Variants in C11orf65 observed in about 807,000 individuals in gnomAD.
C11orf65 encodes the protein protein MFI.
Under a neutral mutation model 35.3 loss-of-function variants are expected in C11orf65, and 38 were observed. That is an observed-to-expected ratio of 1.08 (90% confidence interval 0.83 to 1.41). The LOEUF (loss-of-function observed/expected upper bound fraction) is 1.41. C11orf65 is among the 40% of genes most tolerant of loss of function. The pLI is 0.00. For missense variants in C11orf65, 370 were observed against 367.1 expected, an observed-to-expected ratio of 1.01 and a Z score of -0.06; for synonymous variants, 105 against 114.4, an observed-to-expected ratio of 0.92 and a Z score of 0.53.
At chr11:108,335,147 T>A in intron 3 of C11orf65, 1 of 1,613,386 alleles carries the variant, frequency 6.2e-7, no homozygotes, top group Non-Finnish European at 8.5e-7. Flanking sequence ...CTTAGAGTTT[T>A]AGTGATGAAA....
chr11:108,358,204 GATGAAATGA>G (rs1380882811), intron 2 of C11orf65, among the ~76,000 whole-genome samples: 12 of 151,648 alleles, frequency 7.9e-5, no homozygotes, highest in Admixed American at 6.6e-4. Context: ...AGCGATGGAA[GATGAAATGA>G]ATGAAATGAA....
At chr11:108,355,884 G>C (rs1179774732) in intron 2 of C11orf65, 1 of 152,162 alleles carries the variant, frequency 6.6e-6, no homozygotes, top group Non-Finnish European at 1.5e-5. Flanking sequence ...GGGTGGTCCT[G>C]TGTGCACCTT....
Position 108,343,351 on chromosome 11 carries a change from C to A in C11orf65, c.227-8059G>T. 2 of 1,613,878 alleles carry A rather than the reference C, an allele frequency of 1.2e-6. No homozygotes were observed. Among genetic ancestry groups the A allele is most frequent in the Non-Finnish European group, 1.7e-6 (2 of 1,179,866 alleles). The stretch of plus-strand genomic sequence containing the variant: ...CAGGCCAAATGATTTCAGTGCCTTT[C>A]AGTGCCAAAAGAAAATGATGGTGAG... On this transcript the variant is annotated intron_variant, in intron 2 of 3. Transcript: ENST00000524755.
chr11:108,345,468 C>T (rs1194139006), intron 2 of C11orf65, among the ~76,000 whole-genome samples: 1 of 152,086 alleles, frequency 6.6e-6, no homozygotes, highest in African/African-American at 2.4e-5. Context: ...TTTATTTCTG[C>T]TTAAGAGTAC....
rs56256497 is a variant in C11orf65, at chr11:108,333,973, T to A, written c.299+1247A>T. On this transcript the variant is annotated intron_variant, in intron 3 of 3. Transcript: ENST00000524755. ...GTCCCTACTATGGAAATTAAGGTAA[T>A]TTGCAATTAACTCTTGATTTTTTTT... The A allele has an allele frequency of 2.5e-6, 4 of 1,593,528 alleles. No homozygotes were observed. In the African/African-American group the frequency reaches 4.0e-5, roughly 16 times the overall value.
chr11:108,416,107 G>A (rs1301620884), intron 3 of C11orf65, among the ~76,000 whole-genome samples: 2 of 152,096 alleles, frequency 1.3e-5, no homozygotes, highest in Non-Finnish European at 2.9e-5. Context: ...AGATATGACG[G>A]ACTTCATTAA....
rs1292653012 is a variant in C11orf65 at position 108,383,000 on chromosome 11, T to A, written c.*21A>T. ...GATGGAAGGCTCAAAGGGCTATAAC[T>A]CAGAATAGAAATAAAGTACTTTATA... On this transcript the variant is annotated 3_prime_UTR_variant, in exon 9 of 9. Coordinates refer to ENST00000393084, the MANE Select transcript of C11orf65 (RefSeq NM_152587.5). 1 of 1,610,214 alleles carries A rather than the reference T, an allele frequency of 6.2e-7. No individual in the cohort carries two copies. The highest frequency in any genetic ancestry group is 8.5e-7 in the Non-Finnish European group (1 of 1,178,828).
intron 3 of C11orf65, chr11:108,331,625 GTATA>G: frequency 7.0e-7 from 1 of 1,432,040 alleles, no homozygotes; most frequent in South Asian, 1.4e-5. Context: ...ATTATATAAA[GTATA>G]TATACCATTC....
intron 2 of C11orf65, among the ~76,000 whole-genome samples, chr11:108,457,674 G>A (rs2093424385): frequency 6.6e-6 from 1 of 152,106 alleles, no homozygotes; most frequent in Non-Finnish European, 1.5e-5. Flanking sequence ...GTTGCTTTTA[G>A]TGTATGAGGG....
At chr11:108,416,124 G>A (rs2092727163) in intron 3 of C11orf65, among the ~76,000 whole-genome samples, 1 of 152,106 alleles carries the variant, frequency 6.6e-6, no homozygotes, top group Non-Finnish European at 1.5e-5. Context: ...TTAAAAAGTT[G>A]TACTCAATGA....
intron 3 of C11orf65, among the ~76,000 whole-genome samples, chr11:108,408,843 T>C (rs2092605131): frequency 6.6e-6 from 1 of 151,830 alleles, no homozygotes. Flanking sequence ...CAGTTCAATC[T>C]TGTCTCCTGA....
intron 6 of C11orf65, chr11:108,310,336 T>G (rs2136020953): frequency 6.2e-7 from 1 of 1,608,606 alleles, no homozygotes; most frequent in Non-Finnish European, 8.5e-7. Context: ...TTAGAATTTT[T>G]GGTTTTTAAA....
At chr11:108,337,946 CTGACCTAGAATATCT>C (rs1235288113) in intron 2 of C11orf65, among the ~76,000 whole-genome samples, 1 of 152,258 alleles carries the variant, frequency 6.6e-6, no homozygotes, top group Non-Finnish European at 1.5e-5. Flanking sequence ...AAGCAAATGC[CTGACCTAGAATATCT>C]TGAAAGCAGA....
intron 8 of C11orf65, among the ~76,000 whole-genome samples, chr11:108,385,321 C>T (rs866700632): frequency 7.9e-5 from 12 of 152,134 alleles, no homozygotes; most frequent in African/African-American, 2.9e-4. Context: ...ATCCATCTGC[C>T]TCAGCCTCCC....
At chr11:108,457,446 A>G (rs979329572) in intron 2 of C11orf65, among the ~76,000 whole-genome samples, 6 of 152,124 alleles carry the variant, frequency 3.9e-5, no homozygotes, top group African/African-American at 7.2e-5. Context: ...GTTCAAGATC[A>G]GCCTGGCCAA....
At chr11:108,340,074 A>C (rs2087344021) in intron 2 of C11orf65, 1 of 152,226 alleles carries the variant, frequency 6.6e-6, no homozygotes, top group African/African-American at 2.4e-5. Flanking sequence ...AAACATAATA[A>C]ACATAATTAT....
At chr11:108,309,345 A>G (rs1451281774) in intron 6 of C11orf65, among the ~76,000 whole-genome samples, 2 of 152,194 alleles carry the variant, frequency 1.3e-5, no homozygotes, top group Non-Finnish European at 2.9e-5. Context: ...AATTAACTTT[A>G]GTTGAGTGCT....
chr11:108,406,586 T>TA (rs1180946690), intron 5 of C11orf65, among the ~76,000 whole-genome samples, 177 bp downstream of exon 5: 3 of 152,188 alleles, frequency 2.0e-5, no homozygotes, highest in African/African-American at 4.8e-5. Context: ...AAGAAAAAGA[T>TA]AAATTGCTGT....
chr11:108,365,598 A>G (rs1253149900), intron 2 of C11orf65: 3 of 1,442,306 alleles, frequency 2.1e-6, no homozygotes, highest in Non-Finnish European at 2.8e-6. Context: ...TTAAGTAGGG[A>G]TTAATATTTA....
Sources: allele counts gnomAD v4.1 joint callset (sites outside exome capture counted in the v4.1 genomes callset), GRCh38; gene constraint gnomAD v4.1.1; transcripts MANE v1.5; gene names NCBI Gene and HGNC (gene_info 2026-07-23, HGNC 2026-07-21).